HSD11B1L: variants seen among roughly 807,000 people sequenced by gnomAD.
HSD11B1L encodes the protein hydroxysteroid 11-beta-dehydrogenase 1-like protein.
A neutral mutation model predicts 27.0 loss-of-function variants in HSD11B1L; 22 were observed. That is an observed-to-expected ratio of 0.81 (90% CI 0.58 to 1.16). HSD11B1L has a LOEUF of 1.16. HSD11B1L is among the 50% of genes most tolerant of loss of function. The pLI is 0.00. For synonymous variants in HSD11B1L, 187 were observed against 189.2 expected, an observed-to-expected ratio of 0.99 and a Z score of 0.09; for missense variants, 372 against 401.8, an observed-to-expected ratio of 0.93 and a Z score of 0.63.
intron 1 of HSD11B1L, 163 bp from the exon 2 acceptor site, chr19:5,684,656 G>C (rs1257920494): frequency 5.7e-6 from 6 of 1,046,932 alleles, no homozygotes; most frequent in Non-Finnish European, 8.0e-6. Context: ...TCATGGAGCC[G>C]CGGTGGTTCA....
Position 5,685,746 on chromosome 19 carries a change from GAAAA to G in HSD11B1L, c.204+635_204+638del, listed in dbSNP as rs56023917. On this transcript the variant is annotated intron_variant, in intron 3 of 7. Transcript: ENST00000339423. The surrounding 1 kb of genome is among the most constrained non-coding windows in gnomAD (Gnocchi z 4.3). ...GAGCGATACTCCATCTCAAAAAAAAGAAAAAAAAAAATTAGGGCATGGTGGCGCG... is the reference window on the plus strand; with the variant it reads ...GAGCGATACTCCATCTCAAAAAAAAGAAAAAAATTAGGGCATGGTGGCGCG... Among the ~76,000 whole-genome samples, 1 of 141,440 alleles carries G rather than the reference GAAAA, an allele frequency of 7.1e-6. No individual in the cohort carries two copies. The highest frequency in any genetic ancestry group is 1.5e-5 in the Non-Finnish European group (1 of 64,830). 92.8% of individuals were successfully genotyped at this position (141,440 alleles called of 152,430 possible).
chr19:5,682,363 TG>T (rs1232785782), intron 1 of HSD11B1L, among the ~76,000 whole-genome samples: 1 of 151,400 alleles, frequency 6.6e-6, no homozygotes, highest in African/African-American at 2.4e-5. Context: ...AAAGGAAAGA[TG>T]GGGGTGGTCA....
chr19:5,684,962 C>G, intron 2 of HSD11B1L, 27 bp from the exon 3 acceptor site: 1 of 1,612,474 alleles, frequency 6.2e-7, no homozygotes. Flanking sequence ...GTCCTCCGCC[C>G]AGAGTGACCA....
chr19:5,687,174 G>T lies in HSD11B1L; in HGVS notation c.409-108G>T, dbSNP rs543709867. 11 of 1,317,696 alleles carry T rather than the reference G, an allele frequency of 8.3e-6. No individual in the cohort carries two copies. In the African/African-American group the frequency reaches 1.3e-4, roughly 16 times the overall value. 81.6% of individuals were successfully genotyped at this position (1,317,696 alleles called of 1,614,324 possible). A position where few individuals can be genotyped will look rare whatever the true frequency, so the allele number is the denominator to read the frequency against. On this transcript the variant is annotated intron_variant, in intron 5 of 7. Coordinates refer to ENST00000339423, the MANE Select transcript of HSD11B1L (RefSeq NM_198706.3). This position sits in a 1 kb window ranked among gnomAD's most constrained non-coding sequence, Gnocchi z 6.6. Reference sequence around the variant, plus strand: ...CCCCGCCCTCGGACCCGCCTTCCGGGTTTCTGGCCCCGTCTCTGACCCGGC... The same window carrying T: ...CCCCGCCCTCGGACCCGCCTTCCGGTTTTCTGGCCCCGTCTCTGACCCGGC...
chr19:5,682,157 C>T (rs2054571481), intron 1 of HSD11B1L, among the ~76,000 whole-genome samples: 1 of 152,132 alleles, frequency 6.6e-6, no homozygotes, highest in Non-Finnish European at 1.5e-5. Context: ...TCATGGGGTG[C>T]AGTGAGGAGC....
At chr19:5,686,184 T>C (rs1003004469) in intron 3 of HSD11B1L, among the ~76,000 whole-genome samples, 3 of 152,116 alleles carry the variant, frequency 2.0e-5, no homozygotes, top group African/African-American at 4.8e-5. Flanking sequence ...AATGTCCTGT[T>C]TTAGATGTTG....
chr19:5,684,012 T>C, intron 1 of HSD11B1L: 3 of 459,410 alleles, frequency 6.5e-6, no homozygotes, highest in Non-Finnish European at 3.9e-6. Flanking sequence ...GTTTCGCTCT[T>C]GTTGCCTAGG....
Position 5,688,155 on chromosome 19 carries a change from G to A in HSD11B1L, c.*210G>A, listed in dbSNP as rs1033208052. On this transcript the variant is annotated 3_prime_UTR_variant, in exon 8 of 8. Coordinates refer to ENST00000339423, the MANE Select transcript of HSD11B1L (RefSeq NM_198706.3). ...CAGGTGCCCCGTGTTAGGCGCCTTTGTCGGGGACTTGCAAGGCCTCACCTG... is the reference window on the plus strand; with the variant it reads ...CAGGTGCCCCGTGTTAGGCGCCTTTATCGGGGACTTGCAAGGCCTCACCTG... 1.3e-6 allele frequency: 2 copies of A among 1,550,940 alleles called. No homozygotes were observed. The highest frequency in any genetic ancestry group is 2.4e-5 in the South Asian group (2 of 84,054).
chr19:5,681,654 GCATCCGTCCGTCCATC>G (rs1186452812), intron 1 of HSD11B1L, among the ~76,000 whole-genome samples: 3 of 136,316 alleles, frequency 2.2e-5, no homozygotes, highest in African/African-American at 8.8e-5. Context: ...ATCCATCCAT[GCATCCGTCCGTCCATC>G]CATCCATCCA....
chr19:5,683,601 T>C (rs531515697), intron 1 of HSD11B1L, among the ~76,000 whole-genome samples: 1 of 152,194 alleles, frequency 6.6e-6, no homozygotes, highest in East Asian at 1.9e-4. Context: ...GAGTAACAAA[T>C]GGTCCTTGGG....
intron 1 of HSD11B1L, among the ~76,000 whole-genome samples, chr19:5,683,208 C>CAAA (rs1168433209): frequency 2.2e-4 from 11 of 51,030 alleles, no homozygotes; most frequent in Non-Finnish European, 3.5e-4. Context: ...AACTCAGTCT[C>CAAA]AAAAAAAAAA....
chr19:5,683,719 C>T (rs2054613837), intron 1 of HSD11B1L, among the ~76,000 whole-genome samples: 1 of 151,868 alleles, frequency 6.6e-6, no homozygotes, highest in Admixed American at 6.6e-5. Context: ...TAGTGAGACC[C>T]CATCCCTACA....
rs559010746 is a variant in HSD11B1L, at chr19:5,687,764, G to A, written c.680G>A (p.Arg227Lys). ...SAAEAVRGVT[R>K]VKAAPGPKAA... The stretch of plus-strand genomic sequence containing the variant: ...CCTCCTGTCCCCAGGGGAGTCACGA[G>A]GGTCAAGGCGGCCCCGGGGCCCAAG... Residue 227 changes from arginine (R) to lysine (K), a missense_variant, in exon 8 of 8, where the codon AGG becomes AAG. Physicochemically the swap from Arg to Lys is conservative, Grantham distance 26. Coordinates refer to ENST00000339423, the MANE Select transcript of HSD11B1L (RefSeq NM_198706.3). This position sits in a 1 kb window ranked among gnomAD's most constrained non-coding sequence, Gnocchi z 6.6. 1.6e-5 allele frequency: 24 copies of A among 1,480,372 alleles called. No homozygotes were observed. In the African/African-American group the frequency reaches 3.1e-4, roughly 19 times the overall value. 91.7% of individuals were successfully genotyped at this position (1,480,372 alleles called of 1,614,324 possible).
At chr19:5,684,007 G>A (rs1431919011) in intron 1 of HSD11B1L, 8 of 454,056 alleles carry the variant, frequency 1.8e-5, no homozygotes, top group South Asian at 1.4e-4. Flanking sequence ...ACGGAGTTTC[G>A]CTCTTGTTGC....
At position 5,686,880 on chromosome 19, in the gene HSD11B1L, G is replaced by C. The variant is rs1290737179; in HGVS notation, c.317-20G>C. 6.5e-7 allele frequency: 1 copy of C among 1,533,930 alleles called. No homozygotes were observed. Among genetic ancestry groups the C allele is most frequent in the Non-Finnish European group, 8.8e-7 (1 of 1,137,930 alleles). On this transcript the variant is annotated intron_variant, in intron 4 of 7. Coordinates refer to ENST00000339423, the MANE Select transcript of HSD11B1L (RefSeq NM_198706.3). ...TCCTTGGGGAGGGGCCTCCGGGGCT[G>C]ACCGGCGTTTCTGGGCCAGGCGGGC...
Position 5,685,737 on chromosome 19 carries a change from C to G in HSD11B1L, c.204+618C>G, listed in dbSNP as rs951082764. On this transcript the variant is annotated intron_variant, in intron 3 of 7. Coordinates refer to ENST00000339423, the MANE Select transcript of HSD11B1L (RefSeq NM_198706.3). This position sits in a 1 kb window ranked among gnomAD's most constrained non-coding sequence, Gnocchi z 4.3. ...TGGGTGACAGAGCGATACTCCATCT[C>G]AAAAAAAAGAAAAAAAAAAATTAGG... The G allele has an allele frequency of 1.5e-5, 2 of 137,036 alleles. No homozygotes were observed. Among genetic ancestry groups the G allele is most frequent in the African/African-American group, 5.4e-5 (2 of 37,242 alleles). The allele number at this position is 137,036 out of a possible 1,614,324, so 8.5% of individuals were successfully genotyped here.
rs1368289051 is a variant in HSD11B1L, at chr19:5,688,117, G to A, written c.*172G>A. ...ACGACGGGCACCTGGAACCAGTCAC[G>A]GCTTGGGAGGTGCAGGTGCCCCGTG... On this transcript the variant is annotated 3_prime_UTR_variant, in exon 8 of 8. Transcript: ENST00000339423. 3.2e-6 allele frequency: 5 copies of A among 1,551,218 alleles called. No individual in the cohort carries two copies. Among genetic ancestry groups the A allele is most frequent in the Non-Finnish European group, 4.4e-6 (5 of 1,146,992 alleles).
rs892725086 is a variant in HSD11B1L, at chr19:5,688,343, AC to A, written c.*405del. 60 of 704,142 alleles carry A rather than the reference AC, an allele frequency of 8.5e-5. No individual in the cohort carries two copies. Among genetic ancestry groups the A allele is most frequent in the African/African-American group, 2.0e-4 (11 of 54,450 alleles). 43.6% of individuals were successfully genotyped at this position (704,142 alleles called of 1,614,324 possible). A position where few individuals can be genotyped will look rare whatever the true frequency, so the allele number is the denominator to read the frequency against. Reference sequence around the variant, plus strand: ...TTTCCATTCATTCCATCTGGGAGGAACCCCCCCAACTCCTGCCAGCTTCCCC... The same window carrying A: ...TTTCCATTCATTCCATCTGGGAGGAACCCCCCAACTCCTGCCAGCTTCCCC... On this transcript the variant is annotated 3_prime_UTR_variant, in exon 8 of 8. Transcript: ENST00000339423.
intron 3 of HSD11B1L, among the ~76,000 whole-genome samples, chr19:5,686,116 T>C (rs1400700786): frequency 6.6e-6 from 1 of 152,210 alleles, no homozygotes; most frequent in Non-Finnish European, 1.5e-5. Flanking sequence ...GGTATGGCTC[T>C]TGGGCACAAA....
Sources: allele counts gnomAD v4.1 joint callset (sites outside exome capture counted in the v4.1 genomes callset), GRCh38; gene constraint gnomAD v4.1.1; non-coding constraint Gnocchi (gnomAD v3.1); transcripts MANE v1.5; gene names NCBI Gene and HGNC (gene_info 2026-07-23, HGNC 2026-07-21).